POU2AF1: variants seen among roughly 807,000 people sequenced by gnomAD.
POU2AF1 encodes POU class 2 homeobox associating factor 1.
Under a neutral mutation model 26.3 loss-of-function variants are expected in POU2AF1, and 12 were observed. The observed-to-expected ratio is 0.46, with a 90% CI of 0.29 to 0.74. POU2AF1 has a LOEUF of 0.74. Among genes scored for constraint, POU2AF1 ranks in the 30% least tolerant of loss-of-function variants. The pLI is 0.09. For synonymous variants in POU2AF1, 175 were observed against 148.0 expected, an observed-to-expected ratio of 1.18 and a Z score of -1.32; for missense variants, 297 against 334.5, an observed-to-expected ratio of 0.89 and a Z score of 0.87.
intron 1 of POU2AF1, among the ~76,000 whole-genome samples, chr11:111,372,057 C>CAG (rs1268779151): frequency 6.3e-5 from 9 of 143,098 alleles, no homozygotes; most frequent in African/African-American, 2.5e-4. Flanking sequence ...CACACACACA[C>CAG]ACACACACAC....
intron 1 of POU2AF1, among the ~76,000 whole-genome samples, chr11:111,364,821 G>C (rs1044945853): frequency 6.6e-6 from 1 of 152,226 alleles, no homozygotes; most frequent in Non-Finnish European, 1.5e-5. Context: ...ACCACAGTGA[G>C]GGATGGAGCA....
At chr11:111,358,278 G>A (rs932773720) in intron 2 of POU2AF1, among the ~76,000 whole-genome samples, 1 of 149,340 alleles carries the variant, frequency 6.7e-6, no homozygotes, top group Non-Finnish European at 1.5e-5. Flanking sequence ...CTGCCTGCGC[G>A]CACACACATT....
chr11:111,357,812 G>T lies in POU2AF1; in HGVS notation c.173C>A (p.Ala58Glu), dbSNP rs1471887940. ...TAVVLPHQPLATYTTVGPSCL... is the reference protein window; with the variant it reads ...TAVVLPHQPLETYTTVGPSCL... The stretch of plus-strand genomic sequence containing the variant: ...ACTCTTACCCACTGTGGTGTAGGTC[G>T]CCAGGGGCTGATGGGGCAGCACCAC... The change falls in exon 3 of 5, where the codon GCG (alanine) becomes GAG (glutamate). Residue 58 changes from alanine (A) to glutamate (E), a missense_variant. Ala to Glu is a moderately radical substitution (Grantham distance 107). Coordinates refer to ENST00000393067, the MANE Select transcript of POU2AF1 (RefSeq NM_006235.3). 1.9e-6 allele frequency: 3 copies of T among 1,610,560 alleles called. No individual in the cohort carries two copies. Among genetic ancestry groups the T allele is most frequent in the East Asian group, 2.2e-5 (1 of 44,766 alleles).
intron 4 of POU2AF1, 96 bp from the exon 5 acceptor site, chr11:111,354,671 T>C (rs1790457753): frequency 9.0e-7 from 1 of 1,114,576 alleles, no homozygotes; most frequent in Non-Finnish European, 1.2e-6. Context: ...CCCCTTCAAT[T>C]CTGCCCTTTC....
chr11:111,377,374 T>A lies in POU2AF1; in HGVS notation c.16+1788A>T, dbSNP rs564620623. ...CAGCCTGGGCAACAGAGCAACACTC[T>A]GTCTCAAAAAACAAACAAACAAACA... is the stretch of plus-strand genomic sequence containing the variant. On this transcript the variant is annotated intron_variant, in intron 1 of 4. Transcript: ENST00000393067. Among the ~76,000 whole-genome samples the A allele has an allele frequency of 6.6e-5, 10 of 152,142 alleles. No homozygotes were observed. The South Asian group carries it at 2.1e-3, about 32-fold the overall frequency.
At chr11:111,356,602 G>C (rs74602099) in intron 4 of POU2AF1, among the ~76,000 whole-genome samples, 13,061 of 152,260 alleles carry the variant, frequency 0.086, 698 homozygotes, top group African/African-American at 0.14. Flanking sequence ...AAAATTCCCA[G>C]TCCTTTAGTC....
intron 1 of POU2AF1, among the ~76,000 whole-genome samples, chr11:111,368,200 C>A (rs534821779): frequency 6.6e-6 from 1 of 152,224 alleles, no homozygotes; most frequent in African/African-American, 2.4e-5. Context: ...TCCACCTACA[C>A]CTGGTTTAGT....
chr11:111,370,212 A>T (rs1385993065), intron 1 of POU2AF1, among the ~76,000 whole-genome samples: 1 of 152,210 alleles, frequency 6.6e-6, no homozygotes. Context: ...CAGCTTTGCT[A>T]ACCAATGGCC....
chr11:111,352,969 GGAAGGAAGGAAGGAAGGAAGGAAA>G lies in POU2AF1; in HGVS notation c.*1268_*1291del, dbSNP rs1471511756. Reference sequence around the variant, plus strand: ...AAAAAAAGAAAGAAAGAGAGAGGAAGGAAGGAAGGAAGGAAGGAAGGAAAGAAGGAAGGAAGGAAGGAAGGAAGG... The same window carrying G: ...AAAAAAAGAAAGAAAGAGAGAGGAAGGAAGGAAGGAAGGAAGGAAGGAAGG... On this transcript the variant is annotated 3_prime_UTR_variant, in exon 5 of 5. Coordinates refer to ENST00000393067, the MANE Select transcript of POU2AF1 (RefSeq NM_006235.3). The G allele has an allele frequency of 0.011, 667 of 62,630 alleles. 10 individuals carry two copies. Among genetic ancestry groups the G allele is most frequent in the African/African-American group, 0.026 (279 of 10,758 alleles). The allele number at this position is 62,630 out of a possible 1,614,324, so 3.9% of individuals were successfully genotyped here.
At chr11:111,366,921 G>A (rs1861116234) in intron 1 of POU2AF1, among the ~76,000 whole-genome samples, 1 of 152,086 alleles carries the variant, frequency 6.6e-6, no homozygotes, top group African/African-American at 2.4e-5. Context: ...GTTGTATTAG[G>A]CTGAAGTCAA....
At chr11:111,358,975 A>G in intron 1 of POU2AF1, 57 bp from the exon 2 acceptor site, 2 of 1,551,524 alleles carry the variant, frequency 1.3e-6, no homozygotes, top group Non-Finnish European at 1.7e-6. Flanking sequence ...CCCCCACCCC[A>G]AAGTGCTCAT....
intron 1 of POU2AF1, among the ~76,000 whole-genome samples, chr11:111,372,744 C>A (rs960133944): frequency 2.0e-5 from 3 of 152,156 alleles, no homozygotes; most frequent in African/African-American, 7.2e-5. Flanking sequence ...TTCTAACAGC[C>A]CCTGCATTAT....
At chr11:111,376,221 A>G (rs1290150144) in intron 1 of POU2AF1, among the ~76,000 whole-genome samples, 1 of 152,226 alleles carries the variant, frequency 6.6e-6, no homozygotes, top group African/African-American at 2.4e-5. Flanking sequence ...GGAGGCAGAC[A>G]TTAGAATCCC....
In POU2AF1 at chr11:111,367,277, TGGGTGGTA is replaced by T. The variant is rs1481900145; in HGVS notation, c.17-8367_17-8360del. Among the ~76,000 whole-genome samples, 25 of 152,300 alleles carry T rather than the reference TGGGTGGTA, an allele frequency of 1.6e-4. No homozygotes were observed. In the East Asian group the frequency reaches 4.8e-3, roughly 29 times the overall value. On this transcript the variant is annotated intron_variant, in intron 1 of 4. Coordinates refer to ENST00000393067, the MANE Select transcript of POU2AF1 (RefSeq NM_006235.3). ...CAGGGACTCAGGTCTGTTGAATGAA[TGGGTGGTA>T]AAGGTCCATGTGTTTCCTGGTCACA...
intron 1 of POU2AF1, among the ~76,000 whole-genome samples, chr11:111,370,518 C>G (rs1415996962): frequency 6.6e-6 from 1 of 152,030 alleles, no homozygotes; most frequent in African/African-American, 2.4e-5. Context: ...CCTGAAGAAC[C>G]CTGGAATATA....
intron 1 of POU2AF1, among the ~76,000 whole-genome samples, chr11:111,378,717 G>A (rs970061807): frequency 1.2e-4 from 19 of 152,114 alleles, no homozygotes; most frequent in African/African-American, 4.6e-4. Flanking sequence ...CACTCAGCTA[G>A]AAACAGGCCC....
rs1214616867 is a variant in POU2AF1, at chr11:111,379,226, T to G, written c.-49A>C. The G allele has an allele frequency of 6.2e-7, 1 of 1,612,956 alleles. No individual in the cohort carries two copies. Among genetic ancestry groups the G allele is most frequent in the East Asian group, 2.2e-5 (1 of 44,872 alleles). On this transcript the variant is annotated 5_prime_UTR_variant, in exon 1 of 5. Transcript: ENST00000393067. ...TTCTCTTTGAAGCCGACAGTTTGGC[T>G]TCTTTAATGTGAGACCGGGGTGTGT... is the stretch of plus-strand genomic sequence containing the variant.
Position 111,358,823 on chromosome 11 carries a change from G to T in POU2AF1, c.112C>A (p.His38Asn). The part of the protein sequence containing the change: ...VKELLRRKRG[H>N]ASSGAAPAPT... ...GCAGGTGCTGCCCCACTGCTGGCGTGGCCTCGCTTCCTCCTCAGCAGTTCC... is the reference window on the plus strand; with the variant it reads ...GCAGGTGCTGCCCCACTGCTGGCGTTGCCTCGCTTCCTCCTCAGCAGTTCC... The change falls in exon 2 of 5, where the codon CAC becomes AAC. Residue 38 changes from histidine (H) to asparagine (N), a missense_variant. By Grantham distance (68) the His-to-Asn change is moderately conservative. Transcript: ENST00000393067. The T allele has an allele frequency of 6.2e-7, 1 of 1,606,938 alleles. No homozygotes were observed.
rs985075276 is a variant in POU2AF1, at chr11:111,352,435, C to T, written c.*1826G>A. On this transcript the variant is annotated 3_prime_UTR_variant, in exon 5 of 5. Transcript: ENST00000393067. ...TGGGTGAGCCAGTTCCCAAGGTACACGTTCACTATCAAGAGCTAAGCACAC... is the reference window on the plus strand; with the variant it reads ...TGGGTGAGCCAGTTCCCAAGGTACATGTTCACTATCAAGAGCTAAGCACAC... 3.2e-5 allele frequency: 6 copies of T among 186,278 alleles called. No individual in the cohort carries two copies. Among genetic ancestry groups the T allele is most frequent in the East Asian group, 8.6e-5 (1 of 11,668 alleles). The allele number at this position is 186,278 out of a possible 1,614,324, so 11.5% of individuals were successfully genotyped here.
Sources: allele counts gnomAD v4.1 joint callset (sites outside exome capture counted in the v4.1 genomes callset), GRCh38; gene constraint gnomAD v4.1.1; transcripts MANE v1.5; gene names NCBI Gene and HGNC (gene_info 2026-07-23, HGNC 2026-07-21).